SIRT2: variants seen among roughly 807,000 people sequenced by gnomAD.
SIRT2 encodes NAD-dependent protein deacetylase sirtuin-2.
A neutral mutation model predicts 57.4 loss-of-function variants in SIRT2; 40 were observed. The observed-to-expected ratio is 0.70, with a 90% CI of 0.54 to 0.91. The LOEUF (loss-of-function observed/expected upper bound fraction) is 0.91. Among genes scored for constraint, SIRT2 ranks in the 40% least tolerant of loss-of-function variants. The pLI is 0.00. For synonymous variants in SIRT2, 161 were observed against 195.7 expected (o/e 0.82, Z 1.48); for missense variants, 439 against 510.4 (o/e 0.86, Z 1.35).
At chr19:38,886,566 C>T (rs1364696478) in intron 8 of SIRT2, among the ~76,000 whole-genome samples, 1 of 151,354 alleles carries the variant, frequency 6.6e-6, no homozygotes, top group Admixed American at 6.6e-5. Flanking sequence ...CAATCCTCCT[C>T]TCTCAAGCTC....
rs17880395 is a variant in SIRT2 at position 38,898,691 on chromosome 19, C to T, written c.17-266G>A. 5.3e-3 allele frequency: 1,862 copies of T among 351,272 alleles called. 33 individuals carry two copies. Among genetic ancestry groups the T allele is most frequent in the African/African-American group, 0.036 (1,719 of 47,778 alleles). The allele number at this position is 351,272 out of a possible 1,614,324, so 21.8% of individuals were successfully genotyped here. ...GACAGGGAGAAAGTAGGGGCTTTTG[C>T]CCAGGCTGGTCTTGAACTCCTGGGC... On this transcript the variant is annotated intron_variant, in intron 1 of 15. Coordinates refer to ENST00000249396, the MANE Select transcript of SIRT2 (RefSeq NM_012237.4).
Position 38,881,086 on chromosome 19 carries a change from G to A in SIRT2, c.747+14C>T. 6.2e-7 allele frequency: 1 copy of A among 1,610,672 alleles called. No individual in the cohort carries two copies. Among genetic ancestry groups the A allele is most frequent in the South Asian group, 1.1e-5 (1 of 90,710 alleles). ...CGGCGGTTGGGGATGCGGGGAGGCT[G>A]GGGGGCCACTTACTGACTGCATACA... On this transcript the variant is annotated intron_variant, in intron 11 of 15. Transcript: ENST00000249396.
At chr19:38,884,238 A>C (rs1484753407) in intron 8 of SIRT2, among the ~76,000 whole-genome samples, 1 of 152,028 alleles carries the variant, frequency 6.6e-6, no homozygotes, top group African/African-American at 2.4e-5. Flanking sequence ...CAGAAAAAAA[A>C]TGTTGTTTTA....
intron 1 of SIRT2, 37 bp downstream of exon 1, chr19:38,899,469 G>A: frequency 6.2e-7 from 1 of 1,611,138 alleles, no homozygotes; most frequent in Admixed American, 1.7e-5. Flanking sequence ...CCAGGCCCCG[G>A]CGCGGCCCGA....
intron 8 of SIRT2, among the ~76,000 whole-genome samples, chr19:38,887,440 G>A (rs1973377183): frequency 6.6e-6 from 1 of 152,126 alleles, no homozygotes. Context: ...CTGGGCAGAA[G>A]GTTTATTCTG....
intron 7 of SIRT2, 171 bp from the exon 8 acceptor site, chr19:38,889,326 G>A (rs1973446937): frequency 1.4e-6 from 1 of 725,190 alleles, no homozygotes; most frequent in African/African-American, 1.7e-5. Context: ...TGAGGAAACT[G>A]AAGGACAGGG....
intron 13 of SIRT2, 64 bp from the exon 14 acceptor site, chr19:38,879,766 G>T: frequency 8.1e-7 from 1 of 1,231,538 alleles, no homozygotes. Flanking sequence ...CACAGACCCT[G>T]GAGCCAGGTG....
chr19:38,899,132 G>A (rs1310140373), intron 1 of SIRT2, among the ~76,000 whole-genome samples: 1 of 152,080 alleles, frequency 6.6e-6, no homozygotes, highest in Non-Finnish European at 1.5e-5. Context: ...CGCGGAACAA[G>A]GGGAAGCCAT....
chr19:38,879,956 G>T (rs1251188037), intron 13 of SIRT2: 26 of 500,316 alleles, frequency 5.2e-5, no homozygotes, highest in Non-Finnish European at 7.9e-5. Flanking sequence ...CTCCCGAGTA[G>T]CCTGGATGAC....
In SIRT2 at chr19:38,889,454, C is replaced by T. The variant is rs551413579; in HGVS notation, c.432+235G>A. The T allele has an allele frequency of 2.8e-4, 187 of 661,174 alleles. 1 individual carries two copies. In the East Asian group the frequency reaches 4.8e-3, roughly 17 times the overall value. The allele number at this position is 661,174 out of a possible 1,614,324, so 41.0% of individuals were successfully genotyped here. A position where few individuals can be genotyped will look rare whatever the true frequency, so the allele number is the denominator to read the frequency against. On this transcript the variant is annotated intron_variant, in intron 7 of 15. Coordinates refer to ENST00000249396, the MANE Select transcript of SIRT2 (RefSeq NM_012237.4). ...ACGGCATCATTAGTCAGCTAAGCCT[C>T]GCAGCAGCCCTCTTCAGACAGTACC... is the stretch of plus-strand genomic sequence containing the variant.
rs973712148 is a variant in SIRT2, at chr19:38,893,812, TACTC to T, written c.112+3_112+6del. On this transcript the variant is annotated splice_donor_5th_base_variant and intron_variant, in intron 3 of 15. Coordinates refer to ENST00000249396, the MANE Select transcript of SIRT2 (RefSeq NM_012237.4). ...CCTGCTCCCTGTCCCTCCAGGAAGA[TACTC>T]ACTGTCTGCTTCTCCACCAGCGGCT... 1 of 1,613,888 alleles carries T rather than the reference TACTC, an allele frequency of 6.2e-7. No individual in the cohort carries two copies. The highest frequency in any genetic ancestry group is 1.7e-5 in the Admixed American group (1 of 59,968).
intron 4 of SIRT2, chr19:38,891,997 C>T (rs1282740042): frequency 2.2e-6 from 1 of 453,920 alleles, no homozygotes; most frequent in Non-Finnish European, 4.6e-6. Flanking sequence ...AGAAGATGTC[C>T]TCAACAAAAG....
In SIRT2 at chr19:38,879,417, G is replaced by A. The variant is rs1973054904; in HGVS notation, c.1014+17C>T. On this transcript the variant is annotated intron_variant, in intron 15 of 15. Transcript: ENST00000249396. Reference sequence around the variant, plus strand: ...GGGATGGGGCTCAGGACAGGCTGGGGTTGCTCAGCTCCTCACCTTCCATCC... The same window carrying A: ...GGGATGGGGCTCAGGACAGGCTGGGATTGCTCAGCTCCTCACCTTCCATCC... The A allele has an allele frequency of 6.3e-7, 1 of 1,588,892 alleles. No homozygotes were observed. Among genetic ancestry groups the A allele is most frequent in the Admixed American group, 1.8e-5 (1 of 55,482 alleles).
In SIRT2 at chr19:38,881,152, A is replaced by C; in HGVS notation, c.695T>G (p.Ile232Ser). The part of the protein sequence containing the change: ...EDCQSLVKPD[I>S]VFFGESLPAR... ...TGGGAGGCTCTCACCAAAAAAGACG[A>C]TATCTGAGGTGGAGACAGATGGACG... Residue 232 changes from isoleucine to serine, a missense_variant, in exon 11 of 16, where the codon ATC (isoleucine) becomes AGC (serine). Transcript: ENST00000249396. 1 of 1,612,822 alleles carries C rather than the reference A, an allele frequency of 6.2e-7. No individual in the cohort carries two copies. The highest frequency in any genetic ancestry group is 8.5e-7 in the Non-Finnish European group (1 of 1,179,562).
Position 38,883,802 on chromosome 19 carries a change from C to T in SIRT2, c.502-46G>A, listed in dbSNP as rs45584231. ...AAGAGGGGTGAGGAGTGAGCCACCC[C>T]TTGTAGGCCAGAAGGCACAGTAGGG... On this transcript the variant is annotated intron_variant, in intron 8 of 15. Coordinates refer to ENST00000249396, the MANE Select transcript of SIRT2 (RefSeq NM_012237.4). 3.5e-3 allele frequency: 5,582 copies of T among 1,604,904 alleles called. 148 individuals carry two copies. The African/African-American group carries it at 0.066, about 19-fold the overall frequency.
At chr19:38,881,299 G>T in intron 10 of SIRT2, 133 bp downstream of exon 10, 1 of 1,140,702 alleles carries the variant, frequency 8.8e-7, no homozygotes, top group Admixed American at 2.0e-5. Context: ...TTCTCCCCAG[G>T]ATGGATCTGG....
chr19:38,886,769 G>A (rs1600114635), intron 8 of SIRT2, among the ~76,000 whole-genome samples: 1 of 151,546 alleles, frequency 6.6e-6, no homozygotes, highest in Non-Finnish European at 1.5e-5. Context: ...TTACAGGCAC[G>A]CACCACCACA....
At chr19:38,892,474 G>A (rs569482648) in intron 4 of SIRT2, among the ~76,000 whole-genome samples, 1 of 152,140 alleles carries the variant, frequency 6.6e-6, no homozygotes, top group African/African-American at 2.4e-5. Flanking sequence ...TCTGAAATAA[G>A]CCTCCTGTAG....
At chr19:38,885,631 G>GC (rs563105423) in intron 8 of SIRT2, among the ~76,000 whole-genome samples, 169 of 131,474 alleles carry the variant, frequency 1.3e-3, no homozygotes, top group Middle Eastern at 5.1e-3. Context: ...TTGCTCTGTT[G>GC]CCAGGCTGGA....
Sources: gnomAD v4.1 joint callset for allele counts (sites outside exome capture counted in the v4.1 genomes callset) on GRCh38, gnomAD v4.1.1 for gene constraint, MANE v1.5 for transcripts, NCBI Gene and HGNC (gene_info 2026-07-23, HGNC 2026-07-21) for gene names.